MAST4: variants seen among roughly 807,000 people sequenced by gnomAD.
The protein encoded by MAST4 is microtubule associated serine/threonine kinase family member 4.
MAST4 carries 89 observed loss-of-function variants against 162.7 expected under a neutral mutation model. The observed-to-expected ratio is 0.55, with a 90% CI of 0.46 to 0.65. MAST4 has a LOEUF of 0.65. Among genes scored for constraint, MAST4 ranks in the 30% least tolerant of loss-of-function variants. The pLI, the probability that MAST4 is intolerant of heterozygous loss-of-function variation, is 0.00. For synonymous variants in MAST4, 1,479 were observed against 1,361.1 expected (o/e 1.09, Z -1.91); for missense variants, 3,153 against 3,374.0 (o/e 0.93, Z 1.62).
At chr5:66,838,332 A>G (rs1256540265) in intron 3 of MAST4, among the ~76,000 whole-genome samples, 1 of 152,108 alleles carries the variant, frequency 6.6e-6, no homozygotes, top group African/African-American at 2.4e-5. Context: ...TTGTGAATGT[A>G]TGTGCTTTTT....
At chr5:67,041,125 TTGTC>T (rs1561565438) in intron 4 of MAST4, among the ~76,000 whole-genome samples, 1 of 152,208 alleles carries the variant, frequency 6.6e-6, no homozygotes. Flanking sequence ...AATAAGAAGG[TTGTC>T]TGGGGACCAT....
At chr5:66,780,344 G>A (rs1453210711) in intron 2 of MAST4, among the ~76,000 whole-genome samples, 1 of 152,136 alleles carries the variant, frequency 6.6e-6, no homozygotes, top group African/African-American at 2.4e-5. Context: ...CTTCTGGTGG[G>A]TTCTTGGTCT....
chr5:66,844,139 CTGTGTGTGTGTGTGTGTGTGTGTGTGTG>C (rs59568297), intron 3 of MAST4, among the ~76,000 whole-genome samples: 130 of 104,552 alleles, frequency 1.2e-3, no homozygotes, highest in South Asian at 6.8e-3. Context: ...CCCAGTCAGC[CTGTGTGTGTGTGTGTGTGTGTGTGTGTG>C]TGTGTGTGTG....
At chr5:66,623,786 A>G (rs934985572) in intron 1 of MAST4, among the ~76,000 whole-genome samples, 2 of 152,230 alleles carry the variant, frequency 1.3e-5, no homozygotes, top group Admixed American at 6.5e-5. Context: ...GACAGGAAAA[A>G]GAAAAGGCAT....
At chr5:66,628,312 G>A (rs995491660) in intron 1 of MAST4, among the ~76,000 whole-genome samples, 1 of 150,770 alleles carries the variant, frequency 6.6e-6, no homozygotes, top group Non-Finnish European at 1.5e-5. Context: ...GGAGTGACAA[G>A]CATGAGCCAC....
chr5:66,659,971 G>A (rs563794442), intron 1 of MAST4, among the ~76,000 whole-genome samples: 163 of 152,046 alleles, frequency 1.1e-3, no homozygotes, highest in African/African-American at 3.7e-3. Flanking sequence ...GTGAAGACAT[G>A]CTTGTGAAGA....
chr5:66,909,983 A>G (rs1024502534), intron 4 of MAST4, among the ~76,000 whole-genome samples: 2 of 152,202 alleles, frequency 1.3e-5, no homozygotes, highest in African/African-American at 4.8e-5. Flanking sequence ...ATGTGGACCT[A>G]TGAGTCTATT....
rs532171273 is a variant in MAST4, at chr5:66,977,069, C to T, written c.674+77087C>T. On this transcript the variant is annotated intron_variant, in intron 4 of 28. Coordinates refer to ENST00000403625, the MANE Select transcript of MAST4 (RefSeq NM_001164664.2). ...CAGCATCAGGGCTGATATAGAAAGT[C>T]TCACCTTCATGAATATGGGGATCCT... is the stretch of plus-strand genomic sequence containing the variant. 6.9e-4 allele frequency among the ~76,000 whole-genome samples: 105 copies of T among 152,200 alleles called. 2 individuals are homozygous for T. Among genetic ancestry groups the T allele is most frequent in the African/African-American group, 2.3e-3 (97 of 41,498 alleles).
intron 10 of MAST4, among the ~76,000 whole-genome samples, chr5:67,105,793 C>T (rs976891912): frequency 1.3e-5 from 2 of 152,198 alleles, no homozygotes; most frequent in African/African-American, 4.8e-5. Flanking sequence ...GCACAGATGA[C>T]ATCGTGGACT....
At chr5:66,625,602 C>G (rs1005918808) in intron 1 of MAST4, among the ~76,000 whole-genome samples, 2 of 152,086 alleles carry the variant, frequency 1.3e-5, no homozygotes, top group Non-Finnish European at 2.9e-5. Flanking sequence ...CAACATCTTT[C>G]ATCATCAGGA....
At chr5:66,643,700 T>C (rs1379687594) in intron 1 of MAST4, among the ~76,000 whole-genome samples, 2 of 152,126 alleles carry the variant, frequency 1.3e-5, no homozygotes, top group Non-Finnish European at 2.9e-5. Context: ...TTTCTTTTTT[T>C]TTAAACATCA....
chr5:66,803,666 A>G (rs1756033061), intron 3 of MAST4, among the ~76,000 whole-genome samples: 1 of 152,180 alleles, frequency 6.6e-6, no homozygotes, highest in Admixed American at 6.5e-5. Context: ...ATGGGAATTC[A>G]GTTGGCTTTA....
chr5:66,830,591 T>C (rs1436718134), intron 3 of MAST4, among the ~76,000 whole-genome samples: 1 of 152,186 alleles, frequency 6.6e-6, no homozygotes, highest in Non-Finnish European at 1.5e-5. Flanking sequence ...CTGTGAAAAA[T>C]AACAACATAA....
intron 3 of MAST4, among the ~76,000 whole-genome samples, chr5:66,843,544 T>G (rs970319231): frequency 1.3e-5 from 2 of 152,202 alleles, no homozygotes; most frequent in African/African-American, 4.8e-5. Flanking sequence ...TAACATTTTC[T>G]GATACAGTCT....
intron 26 of MAST4, among the ~76,000 whole-genome samples, chr5:67,153,964 G>C (rs1227579448): frequency 6.6e-6 from 1 of 152,178 alleles, no homozygotes; most frequent in South Asian, 2.1e-4. Context: ...TGTGAGGTTT[G>C]ATCTGAAGGT....
chr5:67,152,768 G>T lies in MAST4; in HGVS notation c.3427G>T (p.Val1143Leu). Residue 1143 changes from valine (V) to leucine (L), a missense_variant, in exon 25 of 29, where the codon GTG becomes TTG. Val to Leu is a conservative substitution (Grantham distance 32). Transcript: ENST00000403625. The stretch of plus-strand genomic sequence containing the variant: ...TTCTGCCAGTCCACATCAGCCGATT[G>T]TGATCCACAGTTCGGGGAAGAACTA... ...AASASPHQPI[V>L]IHSSGKNYGF... 1 of 1,614,064 alleles carries T rather than the reference G, an allele frequency of 6.2e-7. No individual in the cohort carries two copies. Among genetic ancestry groups the T allele is most frequent in the Non-Finnish European group, 8.5e-7 (1 of 1,179,908 alleles).
chr5:66,801,961 A>G (rs1250025732), intron 3 of MAST4, among the ~76,000 whole-genome samples: 1 of 152,218 alleles, frequency 6.6e-6, no homozygotes, highest in Non-Finnish European at 1.5e-5. Context: ...TTCCTTAGAA[A>G]TATACTGTAA....
intron 1 of MAST4, among the ~76,000 whole-genome samples, chr5:66,692,825 A>G (rs1408807075): frequency 6.6e-6 from 1 of 152,124 alleles, no homozygotes; most frequent in Non-Finnish European, 1.5e-5. Context: ...CAAAGTATAT[A>G]TATACTTCAA....
chr5:67,108,080 T>C (rs1581587074), intron 10 of MAST4, among the ~76,000 whole-genome samples: 1 of 152,214 alleles, frequency 6.6e-6, no homozygotes, highest in African/African-American at 2.4e-5. Flanking sequence ...ATGTAAATTA[T>C]ATGTTTTATC....
Sources: gnomAD v4.1 joint callset for allele counts (sites outside exome capture counted in the v4.1 genomes callset) on GRCh38, gnomAD v4.1.1 for gene constraint, MANE v1.5 for transcripts, NCBI Gene and HGNC (gene_info 2026-07-23, HGNC 2026-07-21) for gene names.